Variants in EYS observed in about 807,000 individuals in gnomAD.
EYS encodes EGF-like photoreceptor maintenance factor, also known as protein eyes shut homolog.
Under a neutral mutation model 282.1 loss-of-function variants are expected in EYS, and 250 were observed. The ratio of observed to expected loss-of-function variants is 0.89; its 90% CI spans 0.80 to 0.98. The LOEUF (loss-of-function observed/expected upper bound fraction) is 0.98. EYS is among the 50% of genes least tolerant of loss of function. EYS has a pLI of 0.00. For missense variants in EYS, 4,016 were observed against 3,709.0 expected, an observed-to-expected ratio of 1.08 and a Z score of -2.15; for synonymous variants, 1,355 against 1,282.9, an observed-to-expected ratio of 1.06 and a Z score of -1.20.
At chr6:65,088,394 C>T (rs1774450252) in intron 12 of EYS, among the ~76,000 whole-genome samples, 1 of 152,146 alleles carries the variant, frequency 6.6e-6, no homozygotes, top group Non-Finnish European at 1.5e-5. Flanking sequence ...TGCACAAGTT[C>T]ATCCGTAAGT....
rs573844872 is a variant in EYS, at chr6:63,834,484, A to G, written c.7229-28112T>C. On this transcript the variant is annotated intron_variant, in intron 36 of 42. Transcript: ENST00000503581. ...TCATCACTGGCCATCAGAGAAATGC[A>G]AATCAAAACCACAATGAGATACCAT... Among the ~76,000 whole-genome samples the G allele has an allele frequency of 5.3e-5, 8 of 152,302 alleles. No individual in the cohort carries two copies. The South Asian group carries it at 1.7e-3, about 32-fold the overall frequency.
At chr6:64,004,241 A>G (rs78671166) in intron 33 of EYS, among the ~76,000 whole-genome samples, 4,217 of 151,940 alleles carry the variant, frequency 0.028, 143 homozygotes, top group African/African-American at 0.079. Flanking sequence ...CTATCTACTG[A>G]GTTTTAAATG....
intron 35 of EYS, among the ~76,000 whole-genome samples, chr6:63,973,822 G>A (rs1409407859): frequency 6.6e-6 from 1 of 152,070 alleles, no homozygotes; most frequent in African/African-American, 2.4e-5. Context: ...ATACTCTCAA[G>A]TCTTTACCAA....
At chr6:65,231,571 C>A (rs530986161) in intron 12 of EYS, among the ~76,000 whole-genome samples, 1 of 151,566 alleles carries the variant, frequency 6.6e-6, no homozygotes, top group African/African-American at 2.4e-5. Context: ...TCACCTTGAC[C>A]ATAAATACAC....
chr6:64,000,168 C>CTTTCAGTTTTTTTTTT (rs1562142218), intron 33 of EYS, among the ~76,000 whole-genome samples: 1 of 42,716 alleles, frequency 2.3e-5, no homozygotes, highest in Non-Finnish European at 4.4e-5. Context: ...AGACATGGGA[C>CTTTCAGTTTTTTTTTT]TTTTTTTTTT....
At chr6:65,458,888 T>A (rs1341395755) in intron 5 of EYS, among the ~76,000 whole-genome samples, 1 of 152,062 alleles carries the variant, frequency 6.6e-6, no homozygotes, top group Non-Finnish European at 1.5e-5. Context: ...CAGGTACTAT[T>A]GTAAGCCTAA....
At chr6:63,732,419 T>C (rs1768804794) in intron 41 of EYS, among the ~76,000 whole-genome samples, 1 of 152,146 alleles carries the variant, frequency 6.6e-6, no homozygotes, top group South Asian at 2.1e-4. Flanking sequence ...GTGCAAGATG[T>C]CATTTCAAAA....
At chr6:65,646,568 T>C (rs1767457846) in intron 1 of EYS, among the ~76,000 whole-genome samples, 1 of 152,184 alleles carries the variant, frequency 6.6e-6, no homozygotes, top group Non-Finnish European at 1.5e-5. Flanking sequence ...GCCAACATTA[T>C]ACTGCATGGG....
At chr6:64,705,318 G>T (rs559926603) in intron 22 of EYS, among the ~76,000 whole-genome samples, 1 of 152,082 alleles carries the variant, frequency 6.6e-6, no homozygotes, top group South Asian at 2.1e-4. Context: ...AAATACTGCT[G>T]AAGGAAATCA....
At chr6:65,681,525 G>A (rs558683295) in intron 1 of EYS, among the ~76,000 whole-genome samples, 4 of 151,978 alleles carry the variant, frequency 2.6e-5, no homozygotes, top group South Asian at 2.1e-4. Context: ...TGATCTTCAC[G>A]ATATAGCAGA....
chr6:65,369,597 C>G (rs1330296628), intron 8 of EYS, among the ~76,000 whole-genome samples: 1 of 151,084 alleles, frequency 6.6e-6, no homozygotes, highest in Non-Finnish European at 1.5e-5. Context: ...TTTTTTCTTA[C>G]TATTTTCCAC....
At chr6:65,175,236 T>C (rs1765197352) in intron 12 of EYS, among the ~76,000 whole-genome samples, 1 of 151,366 alleles carries the variant, frequency 6.6e-6, no homozygotes, top group Non-Finnish European at 1.5e-5. Context: ...TTGGATCTAC[T>C]GAGTTTGAAG....
At chr6:64,109,748 C>T (rs933369616) in intron 31 of EYS, among the ~76,000 whole-genome samples, 2 of 152,050 alleles carry the variant, frequency 1.3e-5, no homozygotes, top group Admixed American at 6.6e-5. Flanking sequence ...GAATTGCTAC[C>T]ACTTACATGC....
At chr6:64,919,029 G>C (rs967752207) in intron 15 of EYS, among the ~76,000 whole-genome samples, 3 of 152,088 alleles carry the variant, frequency 2.0e-5, no homozygotes, top group African/African-American at 7.2e-5. Context: ...ATATTCTGCA[G>C]TATTTTATAG....
chr6:64,058,394 T>A (rs1771056217), intron 33 of EYS, among the ~76,000 whole-genome samples: 5 of 152,112 alleles, frequency 3.3e-5, no homozygotes, highest in Non-Finnish European at 7.4e-5. Context: ...CTTCAAAAAG[T>A]TTTTCACAAT....
intron 11 of EYS, among the ~76,000 whole-genome samples, chr6:65,315,079 A>G (rs551244099): frequency 5.2e-4 from 79 of 152,178 alleles, no homozygotes; most frequent in Middle Eastern, 3.4e-3. Context: ...TTGTAGCCAT[A>G]GGGATACATT....
At chr6:63,894,082 G>A (rs1747840311) in intron 35 of EYS, among the ~76,000 whole-genome samples, 1 of 152,192 alleles carries the variant, frequency 6.6e-6, no homozygotes, top group African/African-American at 2.4e-5. Context: ...AACTGTGGAA[G>A]GGGTGTAATA....
At chr6:64,026,942 T>G (rs1769546928) in intron 33 of EYS, among the ~76,000 whole-genome samples, 2 of 152,188 alleles carry the variant, frequency 1.3e-5, no homozygotes, top group African/African-American at 4.8e-5. Context: ...TACATAGATG[T>G]CCTACAGGGT....
intron 22 of EYS, among the ~76,000 whole-genome samples, chr6:64,677,314 A>C (rs568899342): frequency 9.9e-5 from 15 of 152,152 alleles, no homozygotes; most frequent in Middle Eastern, 6.8e-3. Flanking sequence ...AATTTAAAGG[A>C]GCTCTACTGG....
Sources: allele counts gnomAD v4.1 joint callset (sites outside exome capture counted in the v4.1 genomes callset), GRCh38; gene constraint gnomAD v4.1.1; transcripts MANE v1.5; gene names NCBI Gene and HGNC (gene_info 2026-07-23, HGNC 2026-07-21).